The following ADAMTS6 variants were observed in gnomAD, a reference collection of about 807,000 sequenced individuals.
ADAMTS6 encodes the protein A disintegrin and metalloproteinase with thrombospondin motifs 6.
Under a neutral mutation model 144.3 loss-of-function variants are expected in ADAMTS6, and 23 were observed. That is an observed-to-expected ratio of 0.16 (90% confidence interval 0.11 to 0.23). The LOEUF (loss-of-function observed/expected upper bound fraction) is 0.23. Ranked by LOEUF, ADAMTS6 falls within the 10% of genes least tolerant of loss-of-function variation. ADAMTS6 has a pLI of 1.00. For synonymous variants in ADAMTS6, 444 were observed against 457.5 expected (o/e 0.97, Z 0.38); for missense variants, 999 against 1,379.6 (o/e 0.72, Z 4.37).
intron 7 of ADAMTS6, among the ~76,000 whole-genome samples, chr5:65,348,514 G>A (rs987354970): frequency 6.6e-6 from 1 of 152,086 alleles, no homozygotes; most frequent in Non-Finnish European, 1.5e-5. Context: ...GGAGAGAAGG[G>A]AATGGGGAGA....
At chr5:65,233,954 T>G (rs1758457753) in intron 15 of ADAMTS6, among the ~76,000 whole-genome samples, 1 of 151,622 alleles carries the variant, frequency 6.6e-6, no homozygotes, top group Non-Finnish European at 1.5e-5. Flanking sequence ...GGACAAATAT[T>G]AAGCCTGAAA....
intron 9 of ADAMTS6, among the ~76,000 whole-genome samples, chr5:65,320,951 C>A (rs1328387251): frequency 6.6e-6 from 1 of 151,998 alleles, no homozygotes; most frequent in African/African-American, 2.4e-5. Context: ...AGTCTGTTAT[C>A]GATGGCCATT....
intron 7 of ADAMTS6, among the ~76,000 whole-genome samples, chr5:65,371,883 T>C (rs1387637240): frequency 2.0e-5 from 3 of 152,070 alleles, no homozygotes; most frequent in South Asian, 4.1e-4. Flanking sequence ...AAAGGTCAGG[T>C]TACCCTCAAA....
chr5:65,210,367 C>T (rs990417614), intron 20 of ADAMTS6: 14 of 163,044 alleles, frequency 8.6e-5, no homozygotes, highest in Non-Finnish European at 1.5e-4. Flanking sequence ...AGGAGAATGG[C>T]GTGAACCCGG....
At chr5:65,166,003 A>C (rs1327904249) in intron 24 of ADAMTS6, among the ~76,000 whole-genome samples, 1 of 150,874 alleles carries the variant, frequency 6.6e-6, no homozygotes, top group Non-Finnish European at 1.5e-5. Flanking sequence ...CTAACATCAT[A>C]ATGACAGGAT....
intron 7 of ADAMTS6, among the ~76,000 whole-genome samples, chr5:65,422,467 C>CAAA (rs1235976073): frequency 6.6e-6 from 1 of 151,930 alleles, no homozygotes. Flanking sequence ...ACTAAAAATA[C>CAAA]AAAAATTAGT....
intron 7 of ADAMTS6, among the ~76,000 whole-genome samples, chr5:65,376,155 A>AGC (rs1751515630): frequency 6.6e-6 from 1 of 152,160 alleles, no homozygotes; most frequent in Non-Finnish European, 1.5e-5. Context: ...AGATGTACCT[A>AGC]ATGCTAGATG....
At chr5:65,305,610 C>G (rs1478241895) in intron 9 of ADAMTS6, among the ~76,000 whole-genome samples, 1 of 152,022 alleles carries the variant, frequency 6.6e-6, no homozygotes, top group Non-Finnish European at 1.5e-5. Context: ...CTCGGGCCCA[C>G]CCCAATGGAT....
chr5:65,170,953 C>G (rs969558638), intron 23 of ADAMTS6, among the ~76,000 whole-genome samples, 180 bp from the exon 24 acceptor site: 1 of 151,894 alleles, frequency 6.6e-6, no homozygotes, highest in African/African-American at 2.4e-5. Flanking sequence ...ATCCTCCTGC[C>G]TTGGCCTCCC....
chr5:65,306,173 G>C (rs528584982), intron 9 of ADAMTS6, among the ~76,000 whole-genome samples: 2 of 152,282 alleles, frequency 1.3e-5, no homozygotes, highest in African/African-American at 4.8e-5. Context: ...TTGCTGTACT[G>C]TAATAACATC....
intron 24 of ADAMTS6, among the ~76,000 whole-genome samples, chr5:65,164,187 G>A (rs1221655392): frequency 2.6e-5 from 4 of 151,956 alleles, no homozygotes; most frequent in Non-Finnish European, 5.9e-5. Context: ...CCGTGCGCGA[G>A]CCGAAGCAGG....
chr5:65,247,174 G>T (rs1038393795), intron 14 of ADAMTS6, among the ~76,000 whole-genome samples: 5 of 152,256 alleles, frequency 3.3e-5, no homozygotes, highest in African/African-American at 1.2e-4. Context: ...GAGCAAAGCT[G>T]CAGGTCTCAG....
intron 8 of ADAMTS6, among the ~76,000 whole-genome samples, 156 bp from the exon 9 acceptor site, chr5:65,329,639 G>T (rs1376557137): frequency 6.6e-6 from 1 of 152,092 alleles, no homozygotes; most frequent in Non-Finnish European, 1.5e-5. Flanking sequence ...AAAATCACTG[G>T]GGGGAATTTC....
intron 7 of ADAMTS6, among the ~76,000 whole-genome samples, chr5:65,344,590 A>ATACAAAATTAT (rs1223227498): frequency 1.3e-5 from 2 of 152,038 alleles, no homozygotes; most frequent in East Asian, 3.9e-4. Context: ...GTTTTCACTG[A>ATACAAAATTAT]TACAAAATTA....
rs1752125008 is a variant in ADAMTS6 at position 65,151,211 on chromosome 5, G to C, written c.*625C>G. The stretch of plus-strand genomic sequence containing the variant: ...ATAGTTTTATATATGGCTCACAGCA[G>C]TGTTCAGAACCAGGGGATTATTCCT... On this transcript the variant is annotated 3_prime_UTR_variant, in exon 25 of 25. Transcript: ENST00000381055. The C allele has an allele frequency of 6.6e-6, 1 of 152,626 alleles. No individual in the cohort carries two copies. Among genetic ancestry groups the C allele is most frequent in the Non-Finnish European group, 1.5e-5 (1 of 68,062 alleles). 9.5% of individuals were successfully genotyped at this position (152,626 alleles called of 1,614,324 possible).
intron 7 of ADAMTS6, among the ~76,000 whole-genome samples, chr5:65,430,747 T>C (rs1756938418): frequency 1.3e-5 from 2 of 152,136 alleles, no homozygotes. Context: ...TAGCAAATAT[T>C]CTCAAATAAG....
chr5:65,376,417 G>C (rs10440629), intron 7 of ADAMTS6, among the ~76,000 whole-genome samples: 80,415 of 151,444 alleles, frequency 0.53, 21,861 homozygotes, highest in African/African-American at 0.63. Context: ...CGCCACTGCA[G>C]TCCAGCCTGG....
chr5:65,455,826 AC>A (rs1317705519), intron 4 of ADAMTS6, among the ~76,000 whole-genome samples: 1 of 151,968 alleles, frequency 6.6e-6, no homozygotes, highest in Non-Finnish European at 1.5e-5. Context: ...AATAAAAAAA[AC>A]AAAAATGTAT....
chr5:65,194,080 A>T (rs957839837), intron 21 of ADAMTS6, among the ~76,000 whole-genome samples: 3 of 152,174 alleles, frequency 2.0e-5, no homozygotes, highest in Non-Finnish European at 1.5e-5. Flanking sequence ...ATCATCTAAA[A>T]AAAACCTATC....
Sources: allele counts gnomAD v4.1 joint callset (sites outside exome capture counted in the v4.1 genomes callset), GRCh38; gene constraint gnomAD v4.1.1; transcripts MANE v1.5; gene names NCBI Gene and HGNC (gene_info 2026-07-23, HGNC 2026-07-21).